Variants in ADGRL3 observed in about 807,000 individuals in gnomAD.
ADGRL3 encodes the protein adhesion G protein-coupled receptor L3.
Under a neutral mutation model 153.5 loss-of-function variants are expected in ADGRL3, and 62 were observed. The ratio of observed to expected loss-of-function variants is 0.40; its 90% CI spans 0.33 to 0.50. ADGRL3 has a LOEUF of 0.50. Ranked by LOEUF, ADGRL3 falls within the 20% of genes least tolerant of loss-of-function variation. The pLI is 0.47. For synonymous variants in ADGRL3, 710 were observed against 672.5 expected (o/e 1.06, Z -0.86); for missense variants, 1,641 against 1,859.4 (o/e 0.88, Z 2.16).
chr4:61,752,614 A>T (rs1449982592), intron 8 of ADGRL3, among the ~76,000 whole-genome samples: 1 of 152,182 alleles, frequency 6.6e-6, no homozygotes, highest in East Asian at 1.9e-4. Flanking sequence ...TTCCTGCACT[A>T]GTGGTTTCTC....
At chr4:62,006,934 T>C (rs2099161339) in intron 21 of ADGRL3, among the ~76,000 whole-genome samples, 1 of 152,056 alleles carries the variant, frequency 6.6e-6, no homozygotes, top group Admixed American at 6.6e-5. Flanking sequence ...TGGTGATACA[T>C]GAAACTTAAA....
intron 16 of ADGRL3, among the ~76,000 whole-genome samples, chr4:61,947,459 A>G (rs1170311230): frequency 2.0e-5 from 3 of 152,202 alleles, no homozygotes; most frequent in Admixed American, 6.5e-5. Context: ...ATTCATGTGA[A>G]ATGAATAGAT....
chr4:61,668,538 A>T (rs1484307973), intron 5 of ADGRL3, among the ~76,000 whole-genome samples: 1 of 152,206 alleles, frequency 6.6e-6, no homozygotes, highest in Non-Finnish European at 1.5e-5. Context: ...CTGGATTCAA[A>T]TTATATTTCT....
intron 5 of ADGRL3, among the ~76,000 whole-genome samples, chr4:61,648,106 CTGT>C (rs1197866500): frequency 1.3e-5 from 2 of 151,862 alleles, no homozygotes; most frequent in Admixed American, 6.6e-5. Context: ...TAAATAATGG[CTGT>C]TATTATTTCA....
chr4:61,296,462 T>G (rs200057813), intron 1 of ADGRL3, among the ~76,000 whole-genome samples: 1 of 73,016 alleles, frequency 1.4e-5, no homozygotes, highest in Non-Finnish European at 3.0e-5. Context: ...TTTCAGCAGA[T>G]TTGTAAATTC....
chr4:61,749,266 T>G (rs1308984165), intron 8 of ADGRL3, among the ~76,000 whole-genome samples: 1 of 151,700 alleles, frequency 6.6e-6, no homozygotes, highest in Non-Finnish European at 1.5e-5. Context: ...TTGGTGGGAC[T>G]GTAAACTAGT....
Position 61,201,181 on chromosome 4 carries a change from G to T in ADGRL3, c.-824G>T, listed in dbSNP as rs1195605970. On this transcript the variant is annotated 5_prime_UTR_variant, in exon 1 of 27. Transcript: ENST00000683033. ...GGAAGAAGAAAAAGAAAGAGAAGGG[G>T]GGTGGGGTGGGAGAACTGGATATAA... The T allele has an allele frequency of 6.5e-6, 1 of 152,728 alleles. No individual in the cohort carries two copies. The highest frequency in any genetic ancestry group is 1.5e-5 in the Non-Finnish European group (1 of 68,236). 9.5% of individuals were successfully genotyped at this position (152,728 alleles called of 1,614,324 possible).
chr4:61,812,260 T>G (rs2097637087), intron 8 of ADGRL3, among the ~76,000 whole-genome samples: 1 of 152,204 alleles, frequency 6.6e-6, no homozygotes, highest in Admixed American at 6.5e-5. Flanking sequence ...GCAATATTCT[T>G]AGTTACCATT....
At chr4:61,807,556 G>T (rs939016998) in intron 8 of ADGRL3, among the ~76,000 whole-genome samples, 5 of 152,004 alleles carry the variant, frequency 3.3e-5, no homozygotes, top group African/African-American at 9.7e-5. Context: ...CATTTCTCAC[G>T]CCAATGTAGT....
intron 2 of ADGRL3, among the ~76,000 whole-genome samples, chr4:61,456,477 C>A (rs182705372): frequency 5.2e-4 from 55 of 105,700 alleles, no homozygotes; most frequent in African/African-American, 1.5e-3. Flanking sequence ...ATATCTATAT[C>A]TATATATATA....
chr4:61,952,777 TA>T (rs1553892056), intron 17 of ADGRL3, among the ~76,000 whole-genome samples: 3 of 152,166 alleles, frequency 2.0e-5, no homozygotes, highest in Non-Finnish European at 4.4e-5. Context: ...GCCTAGGTAA[TA>T]AACTCAGACT....
intron 24 of ADGRL3, among the ~76,000 whole-genome samples, chr4:62,040,307 G>C (rs938032330): frequency 6.6e-6 from 1 of 151,648 alleles, no homozygotes; most frequent in Non-Finnish European, 1.5e-5. Flanking sequence ...CCTTACTCTT[G>C]TAATTTGTAA....
intron 1 of ADGRL3, among the ~76,000 whole-genome samples, chr4:61,364,212 A>G (rs1258314623): frequency 6.6e-6 from 1 of 151,930 alleles, no homozygotes; most frequent in African/African-American, 2.4e-5. Flanking sequence ...GCACACCTGT[A>G]GTCCCAGCTG....
intron 20 of ADGRL3, 46 bp from the exon 21 acceptor site, chr4:61,998,128 G>T (rs1357161389): frequency 9.2e-7 from 1 of 1,082,940 alleles, no homozygotes; most frequent in Non-Finnish European, 1.3e-6. Context: ...TTGCTTTTTT[G>T]TTCCTACTCC....
rs543461964 is a variant in ADGRL3 at position 61,213,529 on chromosome 4, T to G, written c.-240+11764T>G. 2.6e-5 allele frequency among the ~76,000 whole-genome samples: 4 copies of G among 152,280 alleles called. No homozygotes were observed. In the South Asian group the frequency reaches 8.3e-4, roughly 32 times the overall value. On this transcript the variant is annotated intron_variant, in intron 1 of 26. Coordinates refer to ENST00000683033, the MANE Select transcript of ADGRL3 (RefSeq NM_001387552.1). ...ATACAGAGATACGTAAAGTTAAAAG[T>G]GAAATCACTCAACATAACATAACAT...
intron 2 of ADGRL3, among the ~76,000 whole-genome samples, chr4:61,489,510 A>G (rs1314208371): frequency 2.0e-5 from 3 of 152,086 alleles, no homozygotes; most frequent in Non-Finnish European, 4.4e-5. Flanking sequence ...CAGATAAGTC[A>G]TTACTGCCAG....
intron 1 of ADGRL3, among the ~76,000 whole-genome samples, chr4:61,373,423 G>C (rs1394761162): frequency 6.6e-6 from 1 of 152,132 alleles, no homozygotes; most frequent in Non-Finnish European, 1.5e-5. Context: ...AATTATGTTT[G>C]CATATTTATC....
At chr4:61,925,348 C>T (rs2098789914) in intron 13 of ADGRL3, among the ~76,000 whole-genome samples, 1 of 152,142 alleles carries the variant, frequency 6.6e-6, no homozygotes, top group African/African-American at 2.4e-5. Context: ...AATTCTTCTT[C>T]CTCTACTCAG....
In ADGRL3 at chr4:62,076,306, G is replaced by T. The variant is rs1331364236; in HGVS notation, c.*5398G>T. On this transcript the variant is annotated 3_prime_UTR_variant, in exon 27 of 27. Transcript: ENST00000683033. ...AAGCATTGTTCTCATTTGATAATTT[G>T]TGTCCCGTTACAGTATTTCAAAGGT... 6.6e-6 allele frequency: 1 copy of T among 151,940 alleles called. No individual in the cohort carries two copies. Among genetic ancestry groups the T allele is most frequent in the African/African-American group, 2.4e-5 (1 of 41,406 alleles). The allele number at this position is 151,940 out of a possible 1,614,324, so 9.4% of individuals were successfully genotyped here.
Sources: gnomAD v4.1 joint callset for allele counts (sites outside exome capture counted in the v4.1 genomes callset) on GRCh38, gnomAD v4.1.1 for gene constraint, MANE v1.5 for transcripts, NCBI Gene and HGNC (gene_info 2026-07-23, HGNC 2026-07-21) for gene names.